Variants in FLRT2 observed in about 807,000 individuals in gnomAD.
FLRT2 encodes the protein leucine-rich repeat transmembrane protein FLRT2.
Under a neutral mutation model 40.0 loss-of-function variants are expected in FLRT2, and 15 were observed. The observed-to-expected ratio is 0.38, with a 90% CI of 0.25 to 0.58. The LOEUF is 0.58. Ranked by LOEUF, FLRT2 falls within the 20% of genes least tolerant of loss-of-function variation. FLRT2 has a pLI of 0.71. For missense variants in FLRT2, 726 were observed against 840.0 expected (o/e 0.86, Z 1.68); for synonymous variants, 380 against 336.8 (o/e 1.13, Z -1.41).
At chr14:85,600,019 A>G (rs995849058) in intron 1 of FLRT2, among the ~76,000 whole-genome samples, 1 of 152,238 alleles carries the variant, frequency 6.6e-6, no homozygotes, top group Non-Finnish European at 1.5e-5. Flanking sequence ...GATGGTGTTT[A>G]GAGACTGGAG....
chr14:85,613,825 A>T (rs1282387187), intron 1 of FLRT2, among the ~76,000 whole-genome samples: 1 of 152,166 alleles, frequency 6.6e-6, no homozygotes, highest in Non-Finnish European at 1.5e-5. Context: ...TTACTCACTG[A>T]TCAACTTCAT....
intron 1 of FLRT2, among the ~76,000 whole-genome samples, chr14:85,536,764 T>A (rs1202551992): frequency 6.6e-6 from 1 of 152,092 alleles, no homozygotes; most frequent in Non-Finnish European, 1.5e-5. Flanking sequence ...TAATACAGAG[T>A]TCAATATGGA....
rs1376961075 is a variant in FLRT2, at chr14:85,651,002, C to G, written c.*27505C>G. ...GTGCTGGGATTATAGGCCTGAGCCA[C>G]TGGCCTGTTTTGTTTTTCTTAATAT... On this transcript the variant is annotated 3_prime_UTR_variant, in exon 2 of 2. Coordinates refer to ENST00000330753, the MANE Select transcript of FLRT2 (RefSeq NM_013231.6). 1 of 151,992 alleles carries G rather than the reference C, an allele frequency of 6.6e-6. No homozygotes were observed. Among genetic ancestry groups the G allele is most frequent in the African/African-American group, 2.4e-5 (1 of 41,396 alleles). 9.4% of individuals were successfully genotyped at this position (151,992 alleles called of 1,614,324 possible). A position where few individuals can be genotyped will look rare whatever the true frequency, so the allele number is the denominator to read the frequency against.
chr14:85,591,852 A>G (rs919555047), intron 1 of FLRT2, among the ~76,000 whole-genome samples: 5 of 152,166 alleles, frequency 3.3e-5, no homozygotes, highest in Non-Finnish European at 7.3e-5. Flanking sequence ...AATACATAGC[A>G]TTTTTACTGC....
chr14:85,587,837 A>G (rs1267836924), intron 1 of FLRT2, among the ~76,000 whole-genome samples: 1 of 152,180 alleles, frequency 6.6e-6, no homozygotes, highest in Non-Finnish European at 1.5e-5. Flanking sequence ...ACAATGCTGT[A>G]TTGTCTAATC....
At chr14:85,570,238 C>T (rs1890824632) in intron 1 of FLRT2, among the ~76,000 whole-genome samples, 1 of 152,190 alleles carries the variant, frequency 6.6e-6, no homozygotes, top group South Asian at 2.1e-4. Context: ...TTATAGGCAT[C>T]ACATTCCAAC....
At position 85,624,692 on chromosome 14, in the gene FLRT2, T is replaced by A. The variant is rs910351110; in HGVS notation, c.*1195T>A. 2 of 166,848 alleles carry A rather than the reference T, an allele frequency of 1.2e-5. No homozygotes were observed. The highest frequency in any genetic ancestry group is 2.9e-5 in the Non-Finnish European group (2 of 68,124). The allele number at this position is 166,848 out of a possible 1,614,324, so 10.3% of individuals were successfully genotyped here. A position where few individuals can be genotyped will look rare whatever the true frequency, so the allele number is the denominator to read the frequency against. ...TAGTTGTTTATGACACCTTTGTTTT[T>A]CTCCCTCTGTTCAGTATTTCAAGGA... is the stretch of plus-strand genomic sequence containing the variant. On this transcript the variant is annotated 3_prime_UTR_variant, in exon 2 of 2. Coordinates refer to ENST00000330753, the MANE Select transcript of FLRT2 (RefSeq NM_013231.6).
At chr14:85,563,835 C>T (rs1485250505) in intron 1 of FLRT2, among the ~76,000 whole-genome samples, 2 of 152,170 alleles carry the variant, frequency 1.3e-5, no homozygotes, top group Non-Finnish European at 2.9e-5. Context: ...TGACTTTTCT[C>T]TCAAGAAAAG....
At chr14:85,541,008 G>A (rs1015613800) in intron 1 of FLRT2, among the ~76,000 whole-genome samples, 1 of 152,112 alleles carries the variant, frequency 6.6e-6, no homozygotes, top group African/African-American at 2.4e-5. Context: ...TATGTACTAT[G>A]GGGAGGAAGT....
intron 1 of FLRT2, among the ~76,000 whole-genome samples, chr14:85,593,261 T>C (rs1237421944): frequency 7.9e-5 from 12 of 152,256 alleles, no homozygotes; most frequent in Admixed American, 6.5e-4. Flanking sequence ...TGGTTAATTT[T>C]AGGCTTTTCC....
Position 85,652,594 on chromosome 14 carries a change from A to G in FLRT2, c.*29097A>G, listed in dbSNP as rs1214350184. The G allele has an allele frequency of 6.6e-6, 1 of 152,158 alleles. No homozygotes were observed. The highest frequency in any genetic ancestry group is 1.9e-4 in the East Asian group (1 of 5,200). 9.4% of individuals were successfully genotyped at this position (152,158 alleles called of 1,614,324 possible). On this transcript the variant is annotated 3_prime_UTR_variant, in exon 2 of 2. Coordinates refer to ENST00000330753, the MANE Select transcript of FLRT2 (RefSeq NM_013231.6). ...TTATACAACTTTAAATAAATTTAAG[A>G]TGACATTATGACTTATTAGGCCACA... is the stretch of plus-strand genomic sequence containing the variant.
In FLRT2 at chr14:85,622,512, A is replaced by G. The variant is rs781040839; in HGVS notation, c.998A>G (p.Asn333Ser). ...CTCAAATATATCCCTTCATCTCTCA[A>G]CGTGCGGGGTTTCATGTGCCAAGGT... ...EWLKYIPSSLNVRGFMCQGPE... is the reference protein window; with the variant it reads ...EWLKYIPSSLSVRGFMCQGPE... Residue 333 changes from asparagine (N) to serine (S), a missense_variant, in exon 2 of 2, where the codon AAC (asparagine) becomes AGC (serine). Physicochemically the swap from Asn to Ser is conservative, Grantham distance 46. Coordinates refer to ENST00000330753, the MANE Select transcript of FLRT2 (RefSeq NM_013231.6). 1.2e-6 allele frequency: 2 copies of G among 1,613,950 alleles called. No homozygotes were observed. The highest frequency in any genetic ancestry group is 2.2e-5 in the East Asian group (1 of 44,852).
chr14:85,554,540 G>A (rs984330941), intron 1 of FLRT2, among the ~76,000 whole-genome samples: 34 of 152,216 alleles, frequency 2.2e-4, no homozygotes, highest in African/African-American at 1.4e-4. Flanking sequence ...TTCCTGAATC[G>A]AAACCTCACA....
At position 85,642,954 on chromosome 14, in the gene FLRT2, C is replaced by T. The variant is rs1894187205; in HGVS notation, c.*19457C>T. 6.6e-6 allele frequency: 1 copy of T among 152,200 alleles called. No homozygotes were observed. Among genetic ancestry groups the T allele is most frequent in the Non-Finnish European group, 1.5e-5 (1 of 68,050 alleles). The allele number at this position is 152,200 out of a possible 1,614,324, so 9.4% of individuals were successfully genotyped here. The stretch of plus-strand genomic sequence containing the variant: ...CATTTATTACTTCCAATTCTTGAGG[C>T]TGTGAAGCCCAAGATCAAGTTGCCT... On this transcript the variant is annotated 3_prime_UTR_variant, in exon 2 of 2. Coordinates refer to ENST00000330753, the MANE Select transcript of FLRT2 (RefSeq NM_013231.6).
At chr14:85,616,028 T>G (rs1158416536) in intron 1 of FLRT2, among the ~76,000 whole-genome samples, 1 of 152,138 alleles carries the variant, frequency 6.6e-6, no homozygotes, top group Non-Finnish European at 1.5e-5. Context: ...GTGCTTTGAG[T>G]CTCAGTTCCT....
intron 1 of FLRT2, among the ~76,000 whole-genome samples, chr14:85,592,991 CAAGT>C (rs1891970725): frequency 6.6e-6 from 1 of 151,970 alleles, no homozygotes; most frequent in East Asian, 1.9e-4. Flanking sequence ...ACAATATTTT[CAAGT>C]AATAGTTTCA....
At chr14:85,539,678 T>C (rs1215988156) in intron 1 of FLRT2, among the ~76,000 whole-genome samples, 2 of 152,216 alleles carry the variant, frequency 1.3e-5, no homozygotes, top group Non-Finnish European at 2.9e-5. Flanking sequence ...AGAGGTCACA[T>C]AAGATTAATG....
chr14:85,581,019 C>A (rs541594920), intron 1 of FLRT2, among the ~76,000 whole-genome samples: 2 of 152,066 alleles, frequency 1.3e-5, no homozygotes, highest in South Asian at 2.1e-4. Flanking sequence ...TATTAGCTGG[C>A]CTTTTTGTTT....
chr14:85,537,610 A>T (rs945890576), intron 1 of FLRT2, among the ~76,000 whole-genome samples: 3 of 152,102 alleles, frequency 2.0e-5, no homozygotes, highest in African/African-American at 7.2e-5. Context: ...ACACACACAC[A>T]CACACACAAC....
Sources: gnomAD v4.1 joint callset for allele counts (sites outside exome capture counted in the v4.1 genomes callset) on GRCh38, gnomAD v4.1.1 for gene constraint, MANE v1.5 for transcripts, NCBI Gene and HGNC (gene_info 2026-07-23, HGNC 2026-07-21) for gene names.